NBEA: variants seen among roughly 807,000 people sequenced by gnomAD.
The protein encoded by NBEA is lysosomal-trafficking regulator 2.
A neutral mutation model predicts 343.4 loss-of-function variants in NBEA; 44 were observed. That is an observed-to-expected ratio of 0.13 (90% CI 0.10 to 0.16). The LOEUF (loss-of-function observed/expected upper bound fraction) is 0.16. Ranked by LOEUF, NBEA falls within the 10% of genes least tolerant of loss-of-function variation. The pLI is 1.00. For synonymous variants in NBEA, 1,175 were observed against 1,238.7 expected (o/e 0.95, Z 1.08); for missense variants, 2,555 against 3,631.3 (o/e 0.70, Z 7.62).
chr13:35,074,183 T>C (rs1385428956), intron 10 of NBEA, among the ~76,000 whole-genome samples: 3 of 152,164 alleles, frequency 2.0e-5, no homozygotes, highest in Admixed American at 6.6e-5. Flanking sequence ...TGAAGTAATA[T>C]AGCTTTCGTA....
intron 41 of NBEA, chr13:35,476,296 C>CCTGGTG (rs2075862075): frequency 2.1e-6 from 2 of 960,316 alleles, no homozygotes; most frequent in African/African-American, 1.7e-5. Flanking sequence ...CGTTGGTTTC[C>CCTGGTG]CTGCTGCTGC....
At chr13:35,258,980 C>T (rs1055285610) in intron 34 of NBEA, among the ~76,000 whole-genome samples, 6 of 152,118 alleles carry the variant, frequency 3.9e-5, no homozygotes, top group Non-Finnish European at 7.4e-5. Context: ...CTATGACATT[C>T]AGTAGGTTAG....
intron 30 of NBEA, among the ~76,000 whole-genome samples, chr13:35,188,900 CTTTTTGT>C (rs1308508308): frequency 2.2e-5 from 3 of 137,822 alleles, no homozygotes; most frequent in Non-Finnish European, 4.7e-5. Context: ...CTATATTTTA[CTTTTTGT>C]TTTTTTTTTT....
At chr13:35,071,563 A>C (rs765614497) in intron 10 of NBEA, among the ~76,000 whole-genome samples, 7 of 152,034 alleles carry the variant, frequency 4.6e-5, no homozygotes, top group Non-Finnish European at 8.8e-5. Context: ...GATTATACAC[A>C]TTGCCATGCT....
rs546744598 is a variant in NBEA, at chr13:34,965,226, T to C, written c.294+22112T>C. ...TGAGGACAGAACAGGATTGGGAAGA[T>C]GATTCTTATCTTTAAGGATTTCAAG... is the stretch of plus-strand genomic sequence containing the variant. On this transcript the variant is annotated intron_variant, in intron 1 of 58. Coordinates refer to ENST00000379939, the MANE Select transcript of NBEA (RefSeq NM_001385012.1). Among the ~76,000 whole-genome samples the C allele has an allele frequency of 4.7e-4, 72 of 152,124 alleles. 1 individual carries two copies. The South Asian group carries it at 0.014, about 29-fold the overall frequency.
At chr13:35,333,201 G>T (rs544517445) in intron 36 of NBEA, among the ~76,000 whole-genome samples, 9 of 152,028 alleles carry the variant, frequency 5.9e-5, no homozygotes, top group Non-Finnish European at 1.2e-4. Context: ...AGATCTCTAA[G>T]GGCTGCAAAG....
intron 38 of NBEA, among the ~76,000 whole-genome samples, chr13:35,400,409 G>T (rs866694631): frequency 8.6e-5 from 13 of 151,768 alleles, no homozygotes; most frequent in Admixed American, 2.6e-4. Context: ...GTAGTGCCTG[G>T]CTCACATTTG....
chr13:35,004,384 G>A (rs2061246863), intron 1 of NBEA, among the ~76,000 whole-genome samples: 1 of 152,114 alleles, frequency 6.6e-6, no homozygotes, highest in South Asian at 2.1e-4. Context: ...GTCTTCTAAT[G>A]TAGATCATTC....
At position 35,464,923 on chromosome 13, in the gene NBEA, A is replaced by T. The variant is rs1326043634; in HGVS notation, c.6449-7477A>T. On this transcript the variant is annotated intron_variant, in intron 40 of 58. Transcript: ENST00000379939. ...TAATTTTCGTTGACTACGTGAATGA[A>T]TGAATGAATGCTGAATTAAATATGT... 2.6e-5 allele frequency among the ~76,000 whole-genome samples: 4 copies of T among 152,192 alleles called. No homozygotes were observed. The East Asian group carries it at 7.7e-4, about 29-fold the overall frequency.
At chr13:35,576,745 T>G (rs1174034326) in intron 45 of NBEA, among the ~76,000 whole-genome samples, 1 of 152,208 alleles carries the variant, frequency 6.6e-6, no homozygotes, top group Non-Finnish European at 1.5e-5. Context: ...ATTTTTTAAA[T>G]GTTACCAATT....
chr13:35,159,067 C>G lies in NBEA; in HGVS notation c.2896C>G (p.Gln966Glu). ...EYLAKMYEEYQRQEEENIKKG... is the reference protein window; with the variant it reads ...EYLAKMYEEYERQEEENIKKG... Reference sequence around the variant, plus strand: ...CCTAGCCAAAATGTATGAGGAATATCAAAGACAAGAGGAGGAAAACATTAA... The same window carrying G: ...CCTAGCCAAAATGTATGAGGAATATGAAAGACAAGAGGAGGAAAACATTAA... The change falls in exon 22 of 59, where the codon CAA becomes GAA. Residue 966 changes from glutamine (Q) to glutamate (E), a missense_variant. By Grantham distance (29) the Gln-to-Glu change is conservative (BLOSUM62 2). This residue lies in a region of NBEA where 18 missense variants were observed against 21.7 expected (regional missense o/e 0.83). Transcript: ENST00000379939. 6.2e-7 allele frequency: 1 copy of G among 1,612,438 alleles called. No individual in the cohort carries two copies. The highest frequency in any genetic ancestry group is 8.5e-7 in the Non-Finnish European group (1 of 1,179,294).
At chr13:34,947,891 G>A (rs929023911) in intron 1 of NBEA, among the ~76,000 whole-genome samples, 9 of 152,118 alleles carry the variant, frequency 5.9e-5, no homozygotes, top group African/African-American at 1.9e-4. Context: ...TGTGTTCAAT[G>A]TGTATGATAT....
At chr13:35,030,811 G>A (rs923743443) in intron 1 of NBEA, among the ~76,000 whole-genome samples, 3 of 151,632 alleles carry the variant, frequency 2.0e-5, no homozygotes, top group East Asian at 1.9e-4. Context: ...TACTGCTTCC[G>A]GCAATTAAAT....
intron 17 of NBEA, among the ~76,000 whole-genome samples, chr13:35,126,638 G>A (rs2067145106): frequency 6.6e-6 from 1 of 152,100 alleles, no homozygotes; most frequent in South Asian, 2.1e-4. Flanking sequence ...GCATAAATTG[G>A]CCAGGTGTGC....
At chr13:35,427,279 C>G (rs1315705366) in intron 38 of NBEA, among the ~76,000 whole-genome samples, 2 of 152,166 alleles carry the variant, frequency 1.3e-5, no homozygotes, top group Non-Finnish European at 2.9e-5. Flanking sequence ...TACCTTTGGT[C>G]TTTGATGATG....
intron 1 of NBEA, among the ~76,000 whole-genome samples, chr13:34,951,353 T>C (rs754306679): frequency 1.3e-5 from 2 of 152,234 alleles, no homozygotes; most frequent in African/African-American, 4.8e-5. Context: ...AAGATAGATA[T>C]ACAGGTTGTA....
intron 1 of NBEA, among the ~76,000 whole-genome samples, chr13:35,005,240 G>GATA (rs2061280285): frequency 6.7e-6 from 1 of 149,068 alleles, no homozygotes; most frequent in Non-Finnish European, 1.5e-5. Context: ...TTCTGACCAT[G>GATA]ATAATAAAGA....
intron 38 of NBEA, among the ~76,000 whole-genome samples, chr13:35,407,243 G>C (rs1940322918): frequency 6.6e-6 from 1 of 151,942 alleles, no homozygotes; most frequent in Admixed American, 6.6e-5. Flanking sequence ...GGGATTACAG[G>C]CATGAACCAC....
chr13:35,073,640 G>T (rs1268356547), intron 10 of NBEA, among the ~76,000 whole-genome samples: 1 of 151,960 alleles, frequency 6.6e-6, no homozygotes, highest in Non-Finnish European at 1.5e-5. Flanking sequence ...AGGGGATTTA[G>T]AATTTTTAAA....
Sources: allele counts gnomAD v4.1 joint callset (sites outside exome capture counted in the v4.1 genomes callset), GRCh38; gene constraint gnomAD v4.1.1; regional missense constraint gnomAD v4.1.1; transcripts MANE v1.5; gene names NCBI Gene and HGNC (gene_info 2026-07-23, HGNC 2026-07-21).